Variants in IFNGR1 observed in about 807,000 individuals in gnomAD.
The protein encoded by IFNGR1 is AVP, type 2.
In IFNGR1, 23 loss-of-function variants were observed where a neutral mutation model predicts 35.4. That is an observed-to-expected ratio of 0.65 (90% CI 0.47 to 0.92). The LOEUF is 0.92. Among genes scored for constraint, IFNGR1 ranks in the 40% least tolerant of loss-of-function variants. IFNGR1 has a pLI of 0.00. For missense variants in IFNGR1, 533 were observed against 583.4 expected (o/e 0.91, Z 0.89); for synonymous variants, 199 against 209.5 (o/e 0.95, Z 0.43).
intron 6 of IFNGR1, 105 bp downstream of exon 6, chr6:137,200,776 G>A: frequency 1.0e-6 from 1 of 953,578 alleles, no homozygotes; most frequent in South Asian, 1.7e-5. Context: ...GATGGCAGGT[G>A]ACATCTTGTT....
intron 1 of IFNGR1, among the ~76,000 whole-genome samples, chr6:137,215,639 T>C (rs1779677151): frequency 6.6e-6 from 1 of 152,228 alleles, no homozygotes; most frequent in Non-Finnish European, 1.5e-5. Context: ...ACTGGTATGC[T>C]GCCAAATTTT....
intron 1 of IFNGR1, among the ~76,000 whole-genome samples, chr6:137,207,933 T>C (rs2114493660): frequency 6.6e-6 from 1 of 152,250 alleles, no homozygotes; most frequent in South Asian, 2.1e-4. Flanking sequence ...TAGGAAAATG[T>C]TTGGAACTTT....
chr6:137,214,248 C>A (rs1779639580), intron 1 of IFNGR1, among the ~76,000 whole-genome samples: 1 of 152,152 alleles, frequency 6.6e-6, no homozygotes. Context: ...CATAAGAAAT[C>A]CACACTGAAT....
chr6:137,199,559 A>ATATATTATATATAATATATTATATAT (rs1779226060), intron 6 of IFNGR1, among the ~76,000 whole-genome samples: 1 of 39,428 alleles, frequency 2.5e-5, no homozygotes, highest in African/African-American at 8.5e-5. Flanking sequence ...AACATATAAA[A>ATATATTATATATAATATATTATATAT]TATATATAAT....
intron 6 of IFNGR1, among the ~76,000 whole-genome samples, chr6:137,199,334 A>G (rs561149052): frequency 7.7e-6 from 1 of 130,034 alleles, no homozygotes. Context: ...AATTTATAAT[A>G]TATAATATAT....
chr6:137,199,514 A>ATTATATATAATATATAATATATT (rs1232921273), intron 6 of IFNGR1, among the ~76,000 whole-genome samples: 2 of 56,098 alleles, frequency 3.6e-5, no homozygotes, highest in South Asian at 7.0e-4. Flanking sequence ...TATAATTTAT[A>ATTATATATAATATATAATATATT]ATATATTATA....
intron 2 of IFNGR1, 100 bp from the exon 3 acceptor site, chr6:137,206,408 G>A (rs1190985083): frequency 1.1e-6 from 1 of 871,104 alleles, no homozygotes; most frequent in Non-Finnish European, 1.8e-6. Flanking sequence ...GCACAAAGCG[G>A]TAGAAAGAGC....
intron 1 of IFNGR1, among the ~76,000 whole-genome samples, chr6:137,215,604 A>C (rs1340933372): frequency 6.6e-6 from 1 of 152,184 alleles, no homozygotes; most frequent in Non-Finnish European, 1.5e-5. Context: ...TTAATTACTC[A>C]TCTGGTTTGT....
chr6:137,200,911 C>T lies in IFNGR1; in HGVS notation c.831G>A (p.Lys277=). Reference sequence around the variant, plus strand: ...ACTTGGGTAATATTATGCTTTTTTCCTTCAATGGATTAATTTTCTTAATAT... The same window carrying T: ...ACTTGGGTAATATTATGCTTTTTTCTTTCAATGGATTAATTTTCTTAATAT... ...CFYIKKINPL[K]EKSIILPKSL... is the part of the protein sequence containing the mutation. The change falls in exon 6 of 7, where the codon AAG becomes AAA. Residue 277 remains lysine (K), a synonymous_variant. Coordinates refer to ENST00000367739, the MANE Select transcript of IFNGR1 (RefSeq NM_000416.3). 1 of 1,602,798 alleles carries T rather than the reference C, an allele frequency of 6.2e-7. No individual in the cohort carries two copies. The highest frequency in any genetic ancestry group is 8.5e-7 in the Non-Finnish European group (1 of 1,171,850).
chr6:137,207,080 G>T lies in IFNGR1; in HGVS notation c.86-3C>A. ...TGTAACATTAGTTGGTGTAGGCACT[G>T]TAAGAAAATAAAAAAGTAAAAGGGA... On this transcript the variant is annotated splice_polypyrimidine_tract_variant and splice_region_variant and intron_variant, in intron 1 of 6. Coordinates refer to ENST00000367739, the MANE Select transcript of IFNGR1 (RefSeq NM_000416.3). The T allele has an allele frequency of 6.2e-7, 1 of 1,613,650 alleles. No homozygotes were observed. The highest frequency in any genetic ancestry group is 8.5e-7 in the Non-Finnish European group (1 of 1,179,770).
In IFNGR1 at chr6:137,219,234, C is replaced by T; in HGVS notation, c.85+9G>A. 1.2e-6 allele frequency: 2 copies of T among 1,606,440 alleles called. No homozygotes were observed. Among genetic ancestry groups the T allele is most frequent in the East Asian group, 2.2e-5 (1 of 44,528 alleles). On this transcript the variant is annotated intron_variant, in intron 1 of 6. Transcript: ENST00000367739. The stretch of plus-strand genomic sequence containing the variant: ...GACCCGGCCGCAGCCCTGCCGCGAA[C>T]GACGGTACCTGAGGACGGCCCCAGA...
chr6:137,201,240 T>C (rs1779269966), intron 5 of IFNGR1, among the ~76,000 whole-genome samples: 1 of 152,236 alleles, frequency 6.6e-6, no homozygotes, highest in African/African-American at 2.4e-5. Flanking sequence ...TCTGGGACTA[T>C]TCTACTATGA....
chr6:137,210,278 T>A (rs188053483), intron 1 of IFNGR1, among the ~76,000 whole-genome samples: 1 of 151,934 alleles, frequency 6.6e-6, no homozygotes, highest in East Asian at 1.9e-4. Context: ...GAGCTGTGAC[T>A]GTGCCACTGC....
Position 137,211,590 on chromosome 6 carries a change from G to C in IFNGR1, c.86-4513C>G, listed in dbSNP as rs1179681441. Among the ~76,000 whole-genome samples the C allele has an allele frequency of 3.3e-5, 5 of 152,148 alleles. 1 individual carries two copies. The highest frequency in any genetic ancestry group is 4.1e-4 in the South Asian group (2 of 4,832). On this transcript the variant is annotated intron_variant, in intron 1 of 6. Transcript: ENST00000367739. ...AGGCTCTTGGTACCTGCCATCTCTG[G>C]TTCTCTAAGCAACTTCCTTGTAGGT...
Position 137,208,610 on chromosome 6 carries a change from C to A in IFNGR1, c.86-1533G>T, listed in dbSNP as rs534325497. Among the ~76,000 whole-genome samples the A allele has an allele frequency of 1.1e-4, 16 of 152,338 alleles. No individual in the cohort carries two copies. In the South Asian group the frequency reaches 3.3e-3, roughly 32 times the overall value. Reference sequence around the variant, plus strand: ...TGGAAGTCACAAGCCTTGGCAGCTTCCACATGGTGTTGAGCCTATGGGTGT... The same window carrying A: ...TGGAAGTCACAAGCCTTGGCAGCTTACACATGGTGTTGAGCCTATGGGTGT... On this transcript the variant is annotated intron_variant, in intron 1 of 6. Coordinates refer to ENST00000367739, the MANE Select transcript of IFNGR1 (RefSeq NM_000416.3).
chr6:137,219,160 C>A, intron 1 of IFNGR1, 83 bp downstream of exon 1: 1 of 1,519,160 alleles, frequency 6.6e-7, no homozygotes, highest in Non-Finnish European at 8.9e-7. Flanking sequence ...CTCGGAGAAG[C>A]GGGGCGGGGC....
At chr6:137,199,496 A>AT (rs1779199697) in intron 6 of IFNGR1, among the ~76,000 whole-genome samples, 1 of 34,254 alleles carries the variant, frequency 2.9e-5, no homozygotes, top group South Asian at 6.7e-4. Flanking sequence ...AATATATTAT[A>AT]TAAAATATAT....
At chr6:137,219,175 C>T (rs1735341282) in intron 1 of IFNGR1, 68 bp downstream of exon 1, 6 of 1,542,116 alleles carry the variant, frequency 3.9e-6, no homozygotes, top group African/African-American at 1.4e-5. Flanking sequence ...CGGGGCTTCC[C>T]GGCTGGGGCG....
Position 137,197,883 on chromosome 6 carries a change from C to A in IFNGR1, c.*148G>T, listed in dbSNP as rs1385038073. The A allele has an allele frequency of 2.0e-6, 2 of 1,019,034 alleles. No individual in the cohort carries two copies. The highest frequency in any genetic ancestry group is 2.9e-6 in the Non-Finnish European group (2 of 687,174). The allele number at this position is 1,019,034 out of a possible 1,614,324, so 63.1% of individuals were successfully genotyped here. ...AGCCAAAAGTGAAAATGCCACACATCCTCTTTACGCTTTCATGTACACTAA... is the reference window on the plus strand; with the variant it reads ...AGCCAAAAGTGAAAATGCCACACATACTCTTTACGCTTTCATGTACACTAA... On this transcript the variant is annotated 3_prime_UTR_variant, in exon 7 of 7. Coordinates refer to ENST00000367739, the MANE Select transcript of IFNGR1 (RefSeq NM_000416.3).
Sources: allele counts gnomAD v4.1 joint callset (sites outside exome capture counted in the v4.1 genomes callset), GRCh38; gene constraint gnomAD v4.1.1; transcripts MANE v1.5; gene names NCBI Gene and HGNC (gene_info 2026-07-23, HGNC 2026-07-21).